RSU1: variants seen among roughly 807,000 people sequenced by gnomAD.
RSU1 encodes Ras suppressor protein 1.
Under a neutral mutation model 31.1 loss-of-function variants are expected in RSU1, and 26 were observed. The ratio of observed to expected loss-of-function variants is 0.84; its 90% CI spans 0.61 to 1.16. The LOEUF is 1.16. Among genes scored for constraint, RSU1 ranks in the 50% most tolerant of loss-of-function variants. The pLI, the probability that RSU1 is intolerant of heterozygous loss-of-function variation, is 0.00. For synonymous variants in RSU1, 164 were observed against 136.3 expected, an observed-to-expected ratio of 1.20 and a Z score of -1.41; for missense variants, 320 against 339.1, an observed-to-expected ratio of 0.94 and a Z score of 0.44.
In RSU1 at chr10:16,764,393, A is replaced by G. The variant is rs766998648; in HGVS notation, c.278T>C (p.Leu93Pro). 6.2e-7 allele frequency: 1 copy of G among 1,611,556 alleles called. No homozygotes were observed. Among genetic ancestry groups the G allele is most frequent in the South Asian group, 1.1e-5 (1 of 90,586 alleles). Reference sequence around the variant, plus strand: ...TTTCCGCTCCACTGATACTCACCCAAGGTTCAGGTGTTTGAGTTTCTGAAG... The same window carrying G: ...TTTCCGCTCCACTGATACTCACCCAGGGTTCAGGTGTTTGAGTTTCTGAAG... ...SSLQKLKHLN[L>P]GMNRLNTLPR... Residue 93 changes from leucine (L) to proline (P), a missense_variant, in exon 4 of 9, where the codon CTT becomes CCT. Physicochemically the swap from Leu to Pro is moderately conservative, Grantham distance 98. Transcript: ENST00000345264.
chr10:16,747,710 T>G (rs1836883997), intron 7 of RSU1, among the ~76,000 whole-genome samples: 1 of 152,194 alleles, frequency 6.6e-6, no homozygotes, highest in Non-Finnish European at 1.5e-5. Flanking sequence ...CAGCCTATTT[T>G]CAGCACAGCA....
In RSU1 at chr10:16,767,843, T is replaced by C. The variant is rs187903461; in HGVS notation, c.161-3333A>G. Among the ~76,000 whole-genome samples the C allele has an allele frequency of 5.7e-3, 872 of 152,266 alleles. 30 individuals carry two copies. The highest frequency in any genetic ancestry group is 0.053 in the Admixed American group (811 of 15,286). The stretch of plus-strand genomic sequence containing the variant: ...AGTCAATCAACTGAAACAGGCCTAG[T>C]GCTTGGAAAATAAACTACTCCCAAC... On this transcript the variant is annotated intron_variant, in intron 3 of 8. Coordinates refer to ENST00000345264, the MANE Select transcript of RSU1 (RefSeq NM_012425.4).
chr10:16,733,601 C>A (rs1836564215), intron 7 of RSU1, among the ~76,000 whole-genome samples: 2 of 152,142 alleles, frequency 1.3e-5, no homozygotes. Context: ...CTCTCATAGT[C>A]TGAAGCAACA....
intron 8 of RSU1, among the ~76,000 whole-genome samples, chr10:16,598,955 C>T (rs74981804): frequency 0.051 from 7,692 of 152,164 alleles, 654 homozygotes; most frequent in African/African-American, 0.17. Flanking sequence ...AGAACCAAGA[C>T]GCAGAGAGGC....
intron 7 of RSU1, among the ~76,000 whole-genome samples, chr10:16,722,892 A>T (rs1247448886): frequency 6.7e-6 from 1 of 149,218 alleles, no homozygotes; most frequent in Non-Finnish European, 1.5e-5. Flanking sequence ...ATATACATAT[A>T]TGTATATATA....
chr10:16,765,279 T>C (rs1837291139), intron 3 of RSU1, among the ~76,000 whole-genome samples: 1 of 152,134 alleles, frequency 6.6e-6, no homozygotes, highest in Non-Finnish European at 1.5e-5. Context: ...TGATGAAATA[T>C]TCACCCTCCC....
At chr10:16,703,788 T>C (rs539574448) in intron 7 of RSU1, among the ~76,000 whole-genome samples, 1 of 152,300 alleles carries the variant, frequency 6.6e-6, no homozygotes, top group South Asian at 2.1e-4. Flanking sequence ...TATAAGTGTA[T>C]ATGCATATGA....
intron 3 of RSU1, among the ~76,000 whole-genome samples, chr10:16,775,182 G>A (rs1454056320): frequency 6.6e-6 from 1 of 152,124 alleles, no homozygotes; most frequent in Admixed American, 6.5e-5. Context: ...AGGAGAGAGG[G>A]CATCAACTGA....
At chr10:16,714,735 G>C (rs1196500842) in intron 7 of RSU1, among the ~76,000 whole-genome samples, 1 of 152,062 alleles carries the variant, frequency 6.6e-6, no homozygotes, top group Non-Finnish European at 1.5e-5. Context: ...GGACAGCTAG[G>C]CCTCCAGGAT....
At chr10:16,791,643 A>C (rs1027332635) in intron 2 of RSU1, among the ~76,000 whole-genome samples, 1 of 152,058 alleles carries the variant, frequency 6.6e-6, no homozygotes, top group African/African-American at 2.4e-5. Context: ...AACAAAAAAA[A>C]AAAAAAAAGA....
intron 8 of RSU1, among the ~76,000 whole-genome samples, chr10:16,686,915 A>T (rs1835450263): frequency 6.6e-6 from 1 of 152,182 alleles, no homozygotes; most frequent in South Asian, 2.1e-4. Flanking sequence ...TAAGTACACT[A>T]GTCATTGAAT....
chr10:16,637,639 T>G (rs1327454132), intron 8 of RSU1, among the ~76,000 whole-genome samples: 1 of 151,950 alleles, frequency 6.6e-6, no homozygotes, highest in Admixed American at 6.5e-5. Flanking sequence ...AAGCAGAGCA[T>G]GGAAAACAGA....
intron 7 of RSU1, among the ~76,000 whole-genome samples, chr10:16,713,554 C>T (rs1159579123): frequency 1.3e-5 from 2 of 152,106 alleles, no homozygotes; most frequent in African/African-American, 4.8e-5. Context: ...CTTTATGACA[C>T]TTATCTTTGT....
intron 2 of RSU1, among the ~76,000 whole-genome samples, chr10:16,805,545 G>A (rs576087331): frequency 7.9e-5 from 12 of 151,532 alleles, no homozygotes; most frequent in Admixed American, 6.6e-4. Flanking sequence ...GCGTTGTGGC[G>A]GGCGCCTGTA....
At chr10:16,663,775 A>C (rs970123116) in intron 8 of RSU1, among the ~76,000 whole-genome samples, 1 of 152,152 alleles carries the variant, frequency 6.6e-6, no homozygotes, top group African/African-American at 2.4e-5. Flanking sequence ...TTTCACTTTC[A>C]CCTCAACTAC....
At position 16,729,675 on chromosome 10, in the gene RSU1, G is replaced by A. The variant is rs12572792; in HGVS notation, c.598+22864C>T. Among the ~76,000 whole-genome samples, 949 of 152,314 alleles carry A rather than the reference G, an allele frequency of 6.2e-3. 17 individuals carry two copies. The East Asian group carries it at 0.065, about 10-fold the overall frequency. On this transcript the variant is annotated intron_variant, in intron 7 of 8. Transcript: ENST00000345264. ...TCAGAAGGCTCTGCACTAGGATTCA[G>A]ATGGGTTAGGGGTTTATTTTTCTTT...
intron 8 of RSU1, among the ~76,000 whole-genome samples, chr10:16,672,227 G>A (rs555111571): frequency 4.0e-5 from 6 of 151,652 alleles, no homozygotes; most frequent in East Asian, 2.0e-4. Flanking sequence ...GGAGAATGGC[G>A]TGAACCCGGG....
chr10:16,634,695 C>T (rs1412603342), intron 8 of RSU1, among the ~76,000 whole-genome samples: 1 of 152,106 alleles, frequency 6.6e-6, no homozygotes. Context: ...TGGCACAATT[C>T]CACCAAAAAT....
At chr10:16,670,410 T>C (rs533572684) in intron 8 of RSU1, among the ~76,000 whole-genome samples, 2 of 152,154 alleles carry the variant, frequency 1.3e-5, no homozygotes, top group East Asian at 1.9e-4. Flanking sequence ...CAGACATGAA[T>C]TGATAAACTG....
Sources: allele counts gnomAD v4.1 joint callset (sites outside exome capture counted in the v4.1 genomes callset), GRCh38; gene constraint gnomAD v4.1.1; transcripts MANE v1.5; gene names NCBI Gene and HGNC (gene_info 2026-07-23, HGNC 2026-07-21).